PTRH1: variants seen among roughly 807,000 people sequenced by gnomAD.
PTRH1 encodes the protein peptidyl-tRNA hydrolase 1 homolog, also known as peptidyl-tRNA hydrolase.
PTRH1 carries 13 observed loss-of-function variants against 15.7 expected under a neutral mutation model. The observed-to-expected ratio is 0.83, with a 90% confidence interval of 0.54 to 1.31. The LOEUF (loss-of-function observed/expected upper bound fraction) is 1.31. Ranked by LOEUF, PTRH1 falls within the 40% of genes most tolerant of loss-of-function variation. The pLI is 0.00. For synonymous variants in PTRH1, 139 were observed against 136.7 expected (o/e 1.02, Z -0.12); for missense variants, 319 against 296.2 (o/e 1.08, Z -0.56).
rs557668336 is a variant in PTRH1, at chr9:127,708,105, GCTT to G, written c.205+7327_205+7329del. ...CCTCCTGACTCCCCTATGCAAGACT[GCTT>G]CCTCAGCCCCCACCCCTGAAATGCT... On this transcript the variant is annotated intron_variant, in intron 1 of 2. Transcript: ENST00000335223. 9.1e-4 allele frequency among the ~76,000 whole-genome samples: 138 copies of G among 152,308 alleles called. 1 individual carries two copies. Among genetic ancestry groups the G allele is most frequent in the African/African-American group, 3.2e-3 (132 of 41,568 alleles).
chr9:127,709,561 C>T (rs1354664611), downstream of PTRH1: 2 of 1,614,094 alleles, frequency 1.2e-6, no homozygotes, highest in South Asian at 1.1e-5. The surrounding 1 kb of genome is among the most constrained non-coding windows in gnomAD (Gnocchi z 4.7). Context: ...GATCACAGAC[C>T]TCAACGAGCA....
Position 127,715,632 on chromosome 9 carries a change from G to T in PTRH1, c.8C>A (p.Pro3Gln), listed in dbSNP as rs751374882. 4 of 1,611,992 alleles carry T rather than the reference G, an allele frequency of 2.5e-6. No homozygotes were observed. In the East Asian group the frequency reaches 6.7e-5, roughly 27 times the overall value. ...CTGTCCGGCGCCCAAAAAGCCGCCCGGCCTCATGCTGCCCCCATTCACTCC... is the reference window on the plus strand; with the variant it reads ...CTGTCCGGCGCCCAAAAAGCCGCCCTGCCTCATGCTGCCCCCATTCACTCC... MR[P>Q]GGFLGAGQRL... is the part of the protein sequence containing the mutation. Residue 3 changes from proline to glutamine, a missense_variant, in exon 1 of 5, where the codon CCG becomes CAG. By Grantham distance (76) the Pro-to-Gln change is moderately conservative (BLOSUM62 -1). Coordinates refer to ENST00000543175, the MANE Select transcript of PTRH1 (RefSeq NM_001002913.3). The surrounding 1 kb of genome is among the most constrained non-coding windows in gnomAD (Gnocchi z 5.8).
chr9:127,705,661 T>C lies in PTRH1; in HGVS notation c.205+9774A>G, dbSNP rs1272652124. The stretch of plus-strand genomic sequence containing the variant: ...GGCCCCCGGTCAACTGGGAGCACTG[T>C]GGGAATTTTTGCCTGCCTAGGCTCC... On this transcript the variant is annotated intron_variant, in intron 1 of 2. Transcript: ENST00000335223. The surrounding 1 kb of genome is among the most constrained non-coding windows in gnomAD (Gnocchi z 4.7). 6.6e-6 allele frequency among the ~76,000 whole-genome samples: 1 copy of C among 152,132 alleles called. No homozygotes were observed. Among genetic ancestry groups the C allele is most frequent in the Non-Finnish European group, 1.5e-5 (1 of 68,004 alleles).
In PTRH1 at chr9:127,714,440, G is replaced by A. The variant is rs1564369398; in HGVS notation, c.417-16C>T. On this transcript the variant is annotated splice_polypyrimidine_tract_variant and intron_variant, in intron 3 of 4. Coordinates refer to ENST00000543175, the MANE Select transcript of PTRH1 (RefSeq NM_001002913.3). Reference sequence around the variant, plus strand: ...ATTGTGGCCCCTTCAAGGGATATGGGAGGGGCAGTTAGTGCCTCCCTGGGG... The same window carrying A: ...ATTGTGGCCCCTTCAAGGGATATGGAAGGGGCAGTTAGTGCCTCCCTGGGG... The A allele has an allele frequency of 6.2e-7, 1 of 1,614,048 alleles. No individual in the cohort carries two copies. The highest frequency in any genetic ancestry group is 8.5e-7 in the Non-Finnish European group (1 of 1,179,920).
At chr9:127,714,553 A>C in intron 3 of PTRH1, 50 bp downstream of exon 3, 1 of 1,596,132 alleles carries the variant, frequency 6.3e-7, no homozygotes, top group Non-Finnish European at 8.6e-7. Context: ...CTCCACCCCA[A>C]CTGGGAGGCC....
chr9:127,710,914 T>C (rs1269911349), downstream of PTRH1, among the ~76,000 whole-genome samples: 2 of 152,142 alleles, frequency 1.3e-5, no homozygotes, highest in African/African-American at 4.8e-5. Context: ...CTGGTGATTA[T>C]GGAGGGGTGG....
chr9:127,703,435 GAGAA>G (rs1014916977), intron 1 of PTRH1, among the ~76,000 whole-genome samples: 93 of 152,112 alleles, frequency 6.1e-4, no homozygotes, highest in Non-Finnish European at 1.0e-3. Flanking sequence ...GACAGAGCAA[GAGAA>G]AGAAAGAGAG....
At chr9:127,713,737 C>T (rs547276893), downstream of PTRH1, 37 of 988,826 alleles carry the variant, frequency 3.7e-5, no homozygotes, top group East Asian at 5.7e-4. Flanking sequence ...GAACTCCTGA[C>T]GTCAAGCAAT....
At chr9:127,701,489 C>T (rs1341672987) in intron 1 of PTRH1, among the ~76,000 whole-genome samples, 1 of 152,226 alleles carries the variant, frequency 6.6e-6, no homozygotes, top group African/African-American at 2.4e-5. Flanking sequence ...GTTTGCCAGA[C>T]AGGCTCCAGC....
intron 1 of PTRH1, among the ~76,000 whole-genome samples, chr9:127,706,553 T>G (rs1169815670): frequency 2.6e-5 from 4 of 152,022 alleles, no homozygotes; most frequent in Non-Finnish European, 5.9e-5. Context: ...GGGATGGAGC[T>G]CATAGAGGCA....
downstream of PTRH1, chr9:127,709,636 G>A (rs765346649): frequency 8.1e-6 from 13 of 1,613,752 alleles, no homozygotes; most frequent in Non-Finnish European, 9.3e-6. This position sits in a 1 kb window ranked among gnomAD's most constrained non-coding sequence, Gnocchi z 4.7. Flanking sequence ...GCTGGCCCAG[G>A]TGCGCCACGA....
At position 127,715,047 on chromosome 9, in the gene PTRH1, C is replaced by T. The variant is rs1192579783; in HGVS notation, c.244G>A (p.Gly82Arg). ...CGGAGCAGGACCAGTTGGGCATCCC[C>T]CAGCGGGGCCAGGGCGAGGTCGGCG... The part of the protein sequence containing the change: ...CAADLALAPL[G>R]DAQLVLLRPR... The change falls in exon 2 of 5, where the codon GGG becomes AGG. Residue 82 changes from glycine to arginine, a missense_variant. Coordinates refer to ENST00000543175, the MANE Select transcript of PTRH1 (RefSeq NM_001002913.3). This position sits in a 1 kb window ranked among gnomAD's most constrained non-coding sequence, Gnocchi z 5.8. The T allele has an allele frequency of 6.6e-7, 1 of 1,525,924 alleles. No homozygotes were observed. Among genetic ancestry groups the T allele is most frequent in the South Asian group, 1.2e-5 (1 of 82,982 alleles). The allele number at this position is 1,525,924 out of a possible 1,614,324, so 94.5% of individuals were successfully genotyped here. A position where few individuals can be genotyped will look rare whatever the true frequency, so the allele number is the denominator to read the frequency against.
In PTRH1 at chr9:127,705,256, G is replaced by A. The variant is rs1220450844; in HGVS notation, c.206-10115C>T. 6.6e-6 allele frequency among the ~76,000 whole-genome samples: 1 copy of A among 152,192 alleles called. No homozygotes were observed. The highest frequency in any genetic ancestry group is 2.4e-5 in the African/African-American group (1 of 41,452). ...TGTCTCACAGCTCCAGCAGCTCTGG[G>A]CCCATCAGCCTCAGTCTCCAAGACT... is the stretch of plus-strand genomic sequence containing the variant. On this transcript the variant is annotated intron_variant, in intron 1 of 2. Coordinates refer to the PTRH1 transcript ENST00000335223. This position sits in a 1 kb window ranked among gnomAD's most constrained non-coding sequence, Gnocchi z 4.7.
At chr9:127,697,385 C>T (rs1433739901) in intron 1 of PTRH1, among the ~76,000 whole-genome samples, 3 of 152,142 alleles carry the variant, frequency 2.0e-5, no homozygotes, top group Non-Finnish European at 2.9e-5. Flanking sequence ...GCTGGCCGGG[C>T]GTAGTGGCTC....
chr9:127,700,550 G>A (rs559946794), intron 1 of PTRH1, among the ~76,000 whole-genome samples: 2 of 152,210 alleles, frequency 1.3e-5, no homozygotes, highest in South Asian at 4.1e-4. Flanking sequence ...AAGCCTCTCC[G>A]TTTTACAGTT....
rs753418958 is a variant in PTRH1, at chr9:127,714,669, T to TA, written c.349dup (p.Tyr117LeufsTer5). The TA allele has an allele frequency of 6.2e-7, 1 of 1,613,578 alleles. No individual in the cohort carries two copies. The highest frequency in any genetic ancestry group is 1.1e-5 in the South Asian group (1 of 90,988). Reference sequence around the variant, plus strand: ...CTTGTCCAGCTCATCATGCACCAGGTAGACTTCCTCGGCAGTCAGCCCAAA... The same window carrying TA: ...CTTGTCCAGCTCATCATGCACCAGGTAAGACTTCCTCGGCAGTCAGCCCAAA... On this transcript the variant is annotated frameshift_variant, in exon 3 of 5. Transcript: ENST00000543175. LOFTEE classifies it high-confidence loss of function.
intron 1 of PTRH1, among the ~76,000 whole-genome samples, chr9:127,699,317 A>G (rs573127497): frequency 6.6e-6 from 1 of 152,202 alleles, no homozygotes; most frequent in Non-Finnish European, 1.5e-5. Context: ...CCCCTCAACC[A>G]ACGCGGAACC....
chr9:127,710,704 C>T, downstream of PTRH1: 1 of 1,574,380 alleles, frequency 6.4e-7, no homozygotes, highest in Non-Finnish European at 8.6e-7. Flanking sequence ...AGAATGAGTT[C>T]AGGGACTATG....
chr9:127,710,562 G>A (rs894848826), downstream of PTRH1: 1 of 1,558,334 alleles, frequency 6.4e-7, no homozygotes, highest in Admixed American at 1.9e-5. Flanking sequence ...TGTCCTCTGA[G>A]GCAGCCCATC....
Sources: allele counts gnomAD v4.1 joint callset (sites outside exome capture counted in the v4.1 genomes callset), GRCh38; gene constraint gnomAD v4.1.1; non-coding constraint Gnocchi (gnomAD v3.1); transcripts MANE v1.5; gene names NCBI Gene and HGNC (gene_info 2026-07-23, HGNC 2026-07-21).